The following PTPRG variants were observed in gnomAD, a reference collection of about 807,000 sequenced individuals.
PTPRG encodes the protein protein tyrosine phosphatase receptor type G, also known as receptor-type tyrosine-protein phosphatase gamma.
In PTPRG, 102 loss-of-function variants were observed where a neutral mutation model predicts 165.3. The observed-to-expected ratio is 0.62, with a 90% CI of 0.53 to 0.73. The LOEUF is 0.73. Ranked by LOEUF, PTPRG falls within the 30% of genes least tolerant of loss-of-function variation. The probability of loss-of-function intolerance (pLI) is 0.00; values close to 1 mark genes in which losing one functional copy is unlikely to be tolerated. For synonymous variants in PTPRG, 675 were observed against 669.5 expected (o/e 1.01, Z -0.13); for missense variants, 1,866 against 1,861.4 (o/e 1.00, Z -0.05).
intron 1 of PTPRG, among the ~76,000 whole-genome samples, chr3:61,641,268 T>C (rs1702051947): frequency 6.6e-6 from 1 of 152,068 alleles, no homozygotes; most frequent in Admixed American, 6.6e-5. Context: ...CCATCAAGCA[T>C]TGTTCTTGGC....
rs934871311 is a variant in PTPRG, at chr3:61,760,742, C to T, written c.190+11760C>T. 2.0e-5 allele frequency among the ~76,000 whole-genome samples: 3 copies of T among 152,186 alleles called. 1 individual carries two copies. Among genetic ancestry groups the T allele is most frequent in the Admixed American group, 2.0e-4 (3 of 15,280 alleles). On this transcript the variant is annotated intron_variant, in intron 2 of 29. Coordinates refer to ENST00000474889, the MANE Select transcript of PTPRG (RefSeq NM_002841.4). ...GCCCAGCATGCATTAGCTATTCTTC[C>T]TGATGCTCTCCCTCGCCCCTCCCTG... is the stretch of plus-strand genomic sequence containing the variant.
At chr3:62,002,624 G>A (rs9311832) in intron 3 of PTPRG, among the ~76,000 whole-genome samples, 64,393 of 152,026 alleles carry the variant, frequency 0.42, 14,431 homozygotes, top group African/African-American at 0.58. Context: ...TTGGAATTTA[G>A]TTGAGGTTCC....
chr3:61,634,541 G>A (rs1434727374), intron 1 of PTPRG, among the ~76,000 whole-genome samples: 2 of 151,826 alleles, frequency 1.3e-5, no homozygotes, highest in Admixed American at 6.6e-5. Context: ...GCCCGGCTGT[G>A]TGTGTGTGTT....
At chr3:62,154,099 A>T (rs1704446506) in intron 6 of PTPRG, among the ~76,000 whole-genome samples, 1 of 152,174 alleles carries the variant, frequency 6.6e-6, no homozygotes, top group African/African-American at 2.4e-5. Flanking sequence ...GGTTTTCAAA[A>T]TGTCCCTGGA....
At chr3:61,807,282 T>C (rs1159660071) in intron 2 of PTPRG, among the ~76,000 whole-genome samples, 1 of 152,234 alleles carries the variant, frequency 6.6e-6, no homozygotes, top group Non-Finnish European at 1.5e-5. Flanking sequence ...CCTAACTTGA[T>C]GAGCAAGTAC....
intron 2 of PTPRG, 63 bp from the exon 3 acceptor site, chr3:61,989,562 A>G: frequency 6.6e-7 from 1 of 1,506,204 alleles, no homozygotes; most frequent in Non-Finnish European, 9.0e-7. Context: ...GCTTCCTAAG[A>G]TTTATTCATT....
chr3:61,978,460 G>A (rs927482089), intron 2 of PTPRG, among the ~76,000 whole-genome samples: 15 of 151,554 alleles, frequency 9.9e-5, no homozygotes, highest in South Asian at 2.1e-4. Context: ...GAGTAAGGTC[G>A]TCTAGTTTTG....
intron 2 of PTPRG, among the ~76,000 whole-genome samples, chr3:61,973,576 A>C (rs891619581): frequency 6.6e-6 from 1 of 152,144 alleles, no homozygotes; most frequent in Non-Finnish European, 1.5e-5. Context: ...TCATACCTGT[A>C]ATCACAGCAC....
intron 2 of PTPRG, among the ~76,000 whole-genome samples, chr3:61,963,231 T>G (rs2040194145): frequency 1.3e-5 from 2 of 152,198 alleles, no homozygotes; most frequent in African/African-American, 4.8e-5. Flanking sequence ...CCTCAAGGTT[T>G]TAAATACCAT....
intron 2 of PTPRG, among the ~76,000 whole-genome samples, chr3:61,761,817 T>G (rs2033844983): frequency 6.6e-6 from 1 of 152,154 alleles, no homozygotes; most frequent in South Asian, 2.1e-4. Flanking sequence ...TGCATGAAAT[T>G]TTGCTGCTCC....
chr3:62,149,765 A>G (rs748930480), intron 6 of PTPRG, among the ~76,000 whole-genome samples: 3 of 152,166 alleles, frequency 2.0e-5, no homozygotes, highest in Non-Finnish European at 4.4e-5. Flanking sequence ...CTTAACCCAG[A>G]GCTGCTGACT....
At chr3:61,944,658 G>A (rs1200265068) in intron 2 of PTPRG, among the ~76,000 whole-genome samples, 1 of 152,086 alleles carries the variant, frequency 6.6e-6, no homozygotes, top group African/African-American at 2.4e-5. Flanking sequence ...ATAGTTGTCA[G>A]CCTCTGCTTT....
At chr3:61,648,677 A>G (rs1232482467) in intron 1 of PTPRG, among the ~76,000 whole-genome samples, 1 of 152,188 alleles carries the variant, frequency 6.6e-6, no homozygotes, top group Non-Finnish European at 1.5e-5. Flanking sequence ...TTTGGCTGCC[A>G]TCTGTAATAC....
chr3:62,238,794 G>A (rs1701089685), intron 14 of PTPRG, among the ~76,000 whole-genome samples: 1 of 152,172 alleles, frequency 6.6e-6, no homozygotes, highest in Non-Finnish European at 1.5e-5. Flanking sequence ...GAGACTGAGA[G>A]ACAGACTGAC....
At chr3:61,934,322 G>T (rs2039434150) in intron 2 of PTPRG, among the ~76,000 whole-genome samples, 1 of 151,940 alleles carries the variant, frequency 6.6e-6, no homozygotes, top group Admixed American at 6.6e-5. Flanking sequence ...TTATATCCTT[G>T]CATTTGCTCT....
At chr3:61,905,399 T>A (rs1453975208) in intron 2 of PTPRG, among the ~76,000 whole-genome samples, 4 of 152,200 alleles carry the variant, frequency 2.6e-5, no homozygotes, top group Non-Finnish European at 5.9e-5. Flanking sequence ...CTGGGCTGTT[T>A]TTTAATGGAT....
At position 61,742,403 on chromosome 3, in the gene PTPRG, A is replaced by ATTTT. The variant is rs34010935; in HGVS notation, c.86-6458_86-6455dup. On this transcript the variant is annotated intron_variant, in intron 1 of 29. Coordinates refer to ENST00000474889, the MANE Select transcript of PTPRG (RefSeq NM_002841.4). ...AAGAAATTGGGCCTTTGGGTCTGGAATTTTTTTTTTTTTTTTTTTTGAACT... is the reference window on the plus strand; with the variant it reads ...AAGAAATTGGGCCTTTGGGTCTGGAATTTTTTTTTTTTTTTTTTTTTTTTGAACT... 3,263 of 732,790 alleles carry ATTTT rather than the reference A, an allele frequency of 4.5e-3. 109 individuals carry two copies. Among genetic ancestry groups the ATTTT allele is most frequent in the South Asian group, 5.4e-3 (225 of 41,346 alleles). 45.4% of individuals were successfully genotyped at this position (732,790 alleles called of 1,614,324 possible). A position where few individuals can be genotyped will look rare whatever the true frequency, so the allele number is the denominator to read the frequency against.
chr3:61,732,334 A>G (rs558510708), intron 1 of PTPRG, among the ~76,000 whole-genome samples: 15 of 152,104 alleles, frequency 9.9e-5, no homozygotes, highest in Non-Finnish European at 1.9e-4. Flanking sequence ...TCCCAGCACT[A>G]TGGGAGGCCG....
chr3:62,050,151 C>T (rs901694017), intron 4 of PTPRG, among the ~76,000 whole-genome samples: 1 of 152,148 alleles, frequency 6.6e-6, no homozygotes, highest in Non-Finnish European at 1.5e-5. Context: ...TAAAGAGACT[C>T]TTGACTGGTG....
Sources: gnomAD v4.1 joint callset for allele counts (sites outside exome capture counted in the v4.1 genomes callset) on GRCh38, gnomAD v4.1.1 for gene constraint, MANE v1.5 for transcripts, NCBI Gene and HGNC (gene_info 2026-07-23, HGNC 2026-07-21) for gene names.